RELN: variants seen among roughly 807,000 people sequenced by gnomAD.
The protein encoded by RELN is reelin.
RELN carries 108 observed loss-of-function variants against 427.6 expected under a neutral mutation model. That is an observed-to-expected ratio of 0.25 (90% confidence interval 0.22 to 0.30). The LOEUF (loss-of-function observed/expected upper bound fraction) is 0.30, where lower values mean the gene tolerates loss of function less well. Among genes scored for constraint, RELN ranks in the 10% least tolerant of loss-of-function variants. The pLI is 1.00. For synonymous variants in RELN, 1,524 were observed against 1,513.4 expected (o/e 1.01, Z -0.16); for missense variants, 3,715 against 4,302.8 (o/e 0.86, Z 3.82).
chr7:103,510,657 T>C (rs556074270), intron 51 of RELN, among the ~76,000 whole-genome samples, 194 bp downstream of exon 51: 1 of 152,324 alleles, frequency 6.6e-6, no homozygotes, highest in African/African-American at 2.4e-5. Context: ...AAGTTTCAAC[T>C]TGAAATAGTT....
At chr7:103,680,861 T>C (rs940501538) in intron 11 of RELN, among the ~76,000 whole-genome samples, 1 of 152,046 alleles carries the variant, frequency 6.6e-6, no homozygotes, top group Non-Finnish European at 1.5e-5. Flanking sequence ...TGAGCCTTGG[T>C]GCTGGGCCTG....
intron 1 of RELN, among the ~76,000 whole-genome samples, chr7:103,964,146 G>A (rs1053004562): frequency 1.3e-5 from 2 of 151,962 alleles, no homozygotes; most frequent in South Asian, 2.1e-4. Flanking sequence ...GTGATAGAGC[G>A]AGACCCTGTC....
chr7:103,767,474 T>C (rs562163296), intron 4 of RELN, among the ~76,000 whole-genome samples: 1 of 152,264 alleles, frequency 6.6e-6, no homozygotes, highest in East Asian at 1.9e-4. Flanking sequence ...GAACCTATAG[T>C]TACATGATCA....
rs956519743 is a variant in RELN at position 103,952,818 on chromosome 7, T to G, written c.227-35633A>C. Reference sequence around the variant, plus strand: ...AAGCATAAGGATGCTGAACAATACATCTCTCAAAACACTCACAGAGGATGA... The same window carrying G: ...AAGCATAAGGATGCTGAACAATACAGCTCTCAAAACACTCACAGAGGATGA... On this transcript the variant is annotated intron_variant, in intron 1 of 64. Transcript: ENST00000428762. Among the ~76,000 whole-genome samples the G allele has an allele frequency of 6.5e-4, 99 of 152,202 alleles. 4 individuals are homozygous for G. Among genetic ancestry groups the G allele is most frequent in the Admixed American group, 6.4e-3 (98 of 15,278 alleles).
chr7:103,565,142 CT>C (rs1252024910), intron 34 of RELN, 135 bp downstream of exon 34: 29 of 1,187,618 alleles, frequency 2.4e-5, no homozygotes, highest in Admixed American at 3.7e-5. Flanking sequence ...GCACCTTGCA[CT>C]TTTTTTTCTT....
At chr7:103,566,816 A>G (rs1830764443) in intron 31 of RELN, 57 bp from the exon 32 acceptor site, 7 of 1,549,496 alleles carry the variant, frequency 4.5e-6, no homozygotes, top group African/African-American at 1.4e-5. Context: ...GGGAAGGAAC[A>G]GTATTTCTTA....
At chr7:103,662,642 A>G (rs951675908) in intron 11 of RELN, among the ~76,000 whole-genome samples, 4 of 151,742 alleles carry the variant, frequency 2.6e-5, no homozygotes, top group African/African-American at 7.3e-5. Context: ...AAAAAAAAAA[A>G]AAAGAAACGG....
At chr7:103,583,029 A>G (rs1445178946) in intron 28 of RELN, among the ~76,000 whole-genome samples, 1 of 152,214 alleles carries the variant, frequency 6.6e-6, no homozygotes, top group Non-Finnish European at 1.5e-5. Flanking sequence ...TCTTAAAGCC[A>G]TATGTCTCAT....
rs753632779 is a variant in RELN at position 103,953,613 on chromosome 7, G to A, written c.226+35518C>T. Reference sequence around the variant, plus strand: ...CTCAACTAGCAGTCGTAGTAAAATTGTTTCAGTAAAAATAAATGATCAAAA... The same window carrying A: ...CTCAACTAGCAGTCGTAGTAAAATTATTTCAGTAAAAATAAATGATCAAAA... On this transcript the variant is annotated intron_variant, in intron 1 of 64. Transcript: ENST00000428762. The surrounding 1 kb of genome is among the most constrained non-coding windows in gnomAD (Gnocchi z 4.3). 6.6e-6 allele frequency among the ~76,000 whole-genome samples: 1 copy of A among 152,162 alleles called. No homozygotes were observed. Among genetic ancestry groups the A allele is most frequent in the African/African-American group, 2.4e-5 (1 of 41,432 alleles).
At chr7:103,707,206 C>A (rs576343929) in intron 8 of RELN, among the ~76,000 whole-genome samples, 3 of 152,116 alleles carry the variant, frequency 2.0e-5, no homozygotes, top group African/African-American at 7.2e-5. Context: ...ATCTTTCACC[C>A]AGATCAATGT....
At chr7:103,788,139 T>G (rs890120123) in intron 3 of RELN, among the ~76,000 whole-genome samples, 1 of 152,116 alleles carries the variant, frequency 6.6e-6, no homozygotes, top group African/African-American at 2.4e-5. Context: ...AATTTAACAC[T>G]GCTTCATGCT....
intron 49 of RELN, 48 bp from the exon 50 acceptor site, chr7:103,515,489 T>A (rs1829542838): frequency 6.3e-7 from 1 of 1,577,550 alleles, no homozygotes; most frequent in African/African-American, 1.8e-5. Context: ...CCTTGTCAAA[T>A]ATCTTCTCTG....
intron 1 of RELN, among the ~76,000 whole-genome samples, chr7:103,948,922 G>A (rs1796273449): frequency 1.3e-5 from 2 of 150,734 alleles, no homozygotes; most frequent in Admixed American, 6.6e-5. Flanking sequence ...GGCTAAGGTA[G>A]GAGGATCAAT....
At chr7:103,587,796 T>A (rs949736431) in intron 28 of RELN, among the ~76,000 whole-genome samples, 8 of 152,212 alleles carry the variant, frequency 5.3e-5, no homozygotes, top group African/African-American at 1.7e-4. Context: ...TCACTAATCA[T>A]CAGAGAAATG....
intron 8 of RELN, among the ~76,000 whole-genome samples, chr7:103,713,479 A>T (rs972280734): frequency 2.0e-5 from 3 of 152,156 alleles, no homozygotes; most frequent in Admixed American, 2.0e-4. Flanking sequence ...ATGAATGGAC[A>T]AATTTTAGGG....
At chr7:103,755,058 C>A (rs1791099765) in intron 4 of RELN, among the ~76,000 whole-genome samples, 1 of 152,160 alleles carries the variant, frequency 6.6e-6, no homozygotes, top group Non-Finnish European at 1.5e-5. Context: ...AACAGCTGTG[C>A]AGACTGCTCT....
rs114405029 is a variant in RELN at position 103,636,416 on chromosome 7, G to A, written c.2122C>T (p.Pro708Ser). 1 of 1,613,912 alleles carries A rather than the reference G, an allele frequency of 6.2e-7. No individual in the cohort carries two copies. The highest frequency in any genetic ancestry group is 1.3e-5 in the African/African-American group (1 of 75,022). Residue 708 changes from proline to serine, a missense_variant, in exon 18 of 65, where the codon CCA (proline) becomes TCA (serine). By Grantham distance (74) the Pro-to-Ser change is moderately conservative. Around this residue, in one of 4 missense-constraint regions of RELN, gnomAD observed 2,208 missense variants for 2,361.7 expected, o/e 0.93. Coordinates refer to ENST00000428762, the MANE Select transcript of RELN (RefSeq NM_005045.4). ...PACEMASQTF[P>S]MFISESFGSS... ...CCAAAGCTTTCAGAAATAAACATTGGGAATGTCTGGGATGCCATCTCACAA... is the reference window on the plus strand; with the variant it reads ...CCAAAGCTTTCAGAAATAAACATTGAGAATGTCTGGGATGCCATCTCACAA...
At chr7:103,700,141 A>G (rs1834060650) in intron 9 of RELN, among the ~76,000 whole-genome samples, 1 of 152,092 alleles carries the variant, frequency 6.6e-6, no homozygotes, top group Non-Finnish European at 1.5e-5. Context: ...AAGTTATGCT[A>G]ATTTAAGAGC....
Position 103,557,340 on chromosome 7 carries a change from G to A in RELN, c.5615-181C>T, listed in dbSNP as rs28738877. ...ACAGGTTGGGCTTTCTGTATATCTC[G>A]AAATACACACCAAAGCTTGGATTTG... is the stretch of plus-strand genomic sequence containing the variant. On this transcript the variant is annotated intron_variant, in intron 37 of 64. Coordinates refer to ENST00000428762, the MANE Select transcript of RELN (RefSeq NM_005045.4). 4.8e-3 allele frequency among the ~76,000 whole-genome samples: 726 copies of A among 152,244 alleles called. 6 individuals carry two copies. Among genetic ancestry groups the A allele is most frequent in the African/African-American group, 0.016 (680 of 41,548 alleles).
Sources: gnomAD v4.1 joint callset for allele counts (sites outside exome capture counted in the v4.1 genomes callset) on GRCh38, gnomAD v4.1.1 for gene constraint, gnomAD v4.1.1 regional missense constraint, Gnocchi (gnomAD v3.1) non-coding constraint, MANE v1.5 for transcripts, NCBI Gene and HGNC (gene_info 2026-07-23, HGNC 2026-07-21) for gene names.